The following STRN3 variants were observed in gnomAD, a reference collection of about 807,000 sequenced individuals.
The protein encoded by STRN3 is striatin-3.
In STRN3, 29 loss-of-function variants were observed where a neutral mutation model predicts 95.6. The observed-to-expected ratio is 0.30, with a 90% CI of 0.23 to 0.41. The LOEUF is 0.41. Among genes scored for constraint, STRN3 ranks in the 10% least tolerant of loss-of-function variants. The pLI is 1.00. For synonymous variants in STRN3, 331 were observed against 357.6 expected (o/e 0.93, Z 0.84); for missense variants, 890 against 972.1 (o/e 0.92, Z 1.12).
chr14:30,919,012 T>G lies in STRN3; in HGVS notation c.1194A>C (p.Ser398=). 1 of 1,606,382 alleles carries G rather than the reference T, an allele frequency of 6.2e-7. No homozygotes were observed. The highest frequency in any genetic ancestry group is 8.5e-7 in the Non-Finnish European group (1 of 1,175,582). Residue 398 remains serine, a synonymous_variant, in exon 9 of 18, where the codon TCA becomes TCC. Coordinates refer to ENST00000357479, the MANE Select transcript of STRN3 (RefSeq NM_001083893.2). ...CATGATCAGTCATTCTAGTAGAGGCTGACCTAGACTGATTAATGATTCCTG... is the reference window on the plus strand; with the variant it reads ...CATGATCAGTCATTCTAGTAGAGGCGGACCTAGACTGATTAATGATTCCTG... The part of the protein sequence containing the change: ...IPSGIINQSR[S]ASTRMTDHEG...
chr14:31,019,392 T>C (rs868272437), intron 1 of STRN3, among the ~76,000 whole-genome samples: 13 of 152,322 alleles, frequency 8.5e-5, no homozygotes, highest in Admixed American at 2.0e-4. Context: ...AGACTGATCA[T>C]GAGTCGTTGC....
intron 7 of STRN3, among the ~76,000 whole-genome samples, chr14:30,929,961 A>AAAAAAAAAAAAAAAAAAAAAAAAAAAAAC (rs1878417678): frequency 6.9e-6 from 1 of 144,152 alleles, no homozygotes; most frequent in Non-Finnish European, 1.5e-5. Context: ...TAGCAAAAAA[A>AAAAAAAAAAAAAAAAAAAAAAAAAAAAAC]AAAAAAAAAA....
At position 30,929,288 on chromosome 14, in the gene STRN3, C is replaced by G; in HGVS notation, c.1012G>C (p.Ala338Pro). 1 of 1,613,412 alleles carries G rather than the reference C, an allele frequency of 6.2e-7. No individual in the cohort carries two copies. The highest frequency in any genetic ancestry group is 8.5e-7 in the Non-Finnish European group (1 of 1,179,670). Residue 338 changes from alanine to proline, a missense_variant, in exon 8 of 18, where the codon GCT (alanine) becomes CCT (proline). Around this residue, in one of 3 missense-constraint regions of STRN3, gnomAD observed 526 missense variants for 526.3 expected, o/e 1.00. Coordinates refer to ENST00000357479, the MANE Select transcript of STRN3 (RefSeq NM_001083893.2). ...CCCTGGTCTACATCCCAAACCTCAG[C>G]AGTTGGGGAGAGGTCATCTTTATCT... The part of the protein sequence containing the change: ...EWDKDDLSPT[A>P]EVWDVDQGLI...
intron 8 of STRN3, among the ~76,000 whole-genome samples, chr14:30,926,874 C>T (rs936155549): frequency 1.3e-5 from 2 of 152,084 alleles, no homozygotes; most frequent in African/African-American, 4.8e-5. Context: ...ATTTCATATA[C>T]TGAGTTCCTC....
Position 30,902,585 on chromosome 14 carries a change from T to A in STRN3, c.2088A>T (p.Thr696=). Reference sequence around the variant, plus strand: ...TGTGTCTATCTTCATGAGCAGTTATTGTAACAGGAAGTGTGGGATGACTTA... The same window carrying A: ...TGTGTCTATCTTCATGAGCAGTTATAGTAACAGGAAGTGTGGGATGACTTA... ...RVVSHPTLPV[T]ITAHEDRHIK... is the part of the protein sequence containing the mutation. Residue 696 remains threonine, a synonymous_variant, in exon 16 of 18, where the codon ACA becomes ACT. Coordinates refer to ENST00000357479, the MANE Select transcript of STRN3 (RefSeq NM_001083893.2). The A allele has an allele frequency of 6.2e-7, 1 of 1,609,600 alleles. No homozygotes were observed.
At chr14:30,991,135 C>T (rs1220209261) in intron 1 of STRN3, among the ~76,000 whole-genome samples, 1 of 152,120 alleles carries the variant, frequency 6.6e-6, no homozygotes, top group Non-Finnish European at 1.5e-5. Context: ...TTGGTTTTGA[C>T]CAGGTATGAT....
chr14:30,896,875 C>T (rs1682141281), intron 16 of STRN3, among the ~76,000 whole-genome samples: 1 of 152,104 alleles, frequency 6.6e-6, no homozygotes, highest in Non-Finnish European at 1.5e-5. Context: ...AATTCAACAG[C>T]AAGTAGAATT....
chr14:31,004,176 T>C (rs1316718132), intron 1 of STRN3, among the ~76,000 whole-genome samples: 1 of 151,964 alleles, frequency 6.6e-6, no homozygotes, highest in East Asian at 1.9e-4. Context: ...TCCCAGCTAC[T>C]CGGGAGGCTG....
intron 7 of STRN3, among the ~76,000 whole-genome samples, chr14:30,929,967 A>AAAAAACAAAAAAAAAAC (rs1878429462): frequency 4.4e-5 from 4 of 91,210 alleles, no homozygotes; most frequent in South Asian, 6.4e-4. Context: ...AAAAAAAAAA[A>AAAAAACAAAAAAAAAAC]AAAAAAAAAA....
intron 1 of STRN3, among the ~76,000 whole-genome samples, chr14:31,014,015 G>A (rs913482095): frequency 2.6e-5 from 4 of 151,322 alleles, no homozygotes; most frequent in Admixed American, 1.3e-4. Flanking sequence ...CGATCCTCCC[G>A]TCCCGGTTTC....
At chr14:31,006,506 A>C in intron 1 of STRN3, among the ~76,000 whole-genome samples, 1 of 151,930 alleles carries the variant, frequency 6.6e-6, no homozygotes, top group Non-Finnish European at 1.5e-5. Context: ...GACCAGCCTG[A>C]CCAATATGGT....
chr14:30,958,134 G>A (rs1266531973), intron 1 of STRN3, among the ~76,000 whole-genome samples: 1 of 152,088 alleles, frequency 6.6e-6, no homozygotes, highest in Non-Finnish European at 1.5e-5. Flanking sequence ...GCAAGACAGC[G>A]AGACCCTGTT....
At chr14:30,903,115 GCT>G (rs34723659) in intron 15 of STRN3, among the ~76,000 whole-genome samples, 30,326 of 151,874 alleles carry the variant, frequency 0.2, 3,452 homozygotes, top group Middle Eastern at 0.27. Context: ...TTACCAGTAA[GCT>G]CTTACTAACT....
At chr14:30,912,228 G>C in intron 10 of STRN3, 46 bp from the exon 11 acceptor site, 2 of 1,573,968 alleles carry the variant, frequency 1.3e-6, no homozygotes, top group Non-Finnish European at 1.7e-6. Flanking sequence ...TAGTAAACTG[G>C]AAGGCATGTG....
chr14:30,994,565 A>C, intron 1 of STRN3, among the ~76,000 whole-genome samples: 1 of 152,344 alleles, frequency 6.6e-6, no homozygotes, highest in Middle Eastern at 3.4e-3. Flanking sequence ...AAATAAACTA[A>C]AAACTAAATA....
chr14:30,966,165 A>G (rs1019263122), intron 1 of STRN3, among the ~76,000 whole-genome samples: 4 of 152,190 alleles, frequency 2.6e-5, no homozygotes, highest in Non-Finnish European at 5.9e-5. Flanking sequence ...GAATTAGTTT[A>G]GCCTGTGCGT....
At chr14:30,914,496 G>A (rs1416902146) in intron 9 of STRN3, among the ~76,000 whole-genome samples, 1 of 152,092 alleles carries the variant, frequency 6.6e-6, no homozygotes, top group Non-Finnish European at 1.5e-5. Flanking sequence ...GGGATTACAG[G>A]CGCCCGCCAC....
At chr14:31,006,118 C>CAAAA (rs370320880) in intron 1 of STRN3, among the ~76,000 whole-genome samples, 2 of 75,252 alleles carry the variant, frequency 2.7e-5, no homozygotes, top group African/African-American at 5.3e-5. Flanking sequence ...GACTCTGTCT[C>CAAAA]AAAAAAAAAA....
intron 5 of STRN3, among the ~76,000 whole-genome samples, chr14:30,936,983 A>C (rs760866385): frequency 8.5e-5 from 13 of 152,148 alleles, no homozygotes; most frequent in Non-Finnish European, 1.8e-4. Context: ...AACCTCTTAC[A>C]GTTTGGTCTA....
Sources: allele counts gnomAD v4.1 joint callset (sites outside exome capture counted in the v4.1 genomes callset), GRCh38; gene constraint gnomAD v4.1.1; regional missense constraint gnomAD v4.1.1; transcripts MANE v1.5; gene names NCBI Gene and HGNC (gene_info 2026-07-23, HGNC 2026-07-21).